PKD1: variants seen among roughly 807,000 people sequenced by gnomAD.
PKD1 encodes the protein polycystin-1.
In PKD1, 81 loss-of-function variants were observed where a neutral mutation model predicts 361.7. That is an observed-to-expected ratio of 0.22 (90% CI 0.19 to 0.27). The LOEUF is 0.27. PKD1 is among the 10% of genes least tolerant of loss of function. The pLI is 1.00. For missense variants in PKD1, 6,399 were observed against 6,118.3 expected (o/e 1.05, Z -1.53); for synonymous variants, 3,615 against 2,818.3 (o/e 1.28, Z -8.95).
rs963823319 is a variant in PKD1, at chr16:2,097,129, C to T, written c.10499+19G>A. ...CCCTCCTCTGGCAATCCCCCCTCCC[C>T]CGAGAGCCGGACACTCACAGGCTGC... On this transcript the variant is annotated intron_variant, in intron 34 of 45. Coordinates refer to ENST00000262304, the MANE Select transcript of PKD1 (RefSeq NM_001009944.3). 2.6e-6 allele frequency: 4 copies of T among 1,541,874 alleles called. No homozygotes were observed. In the African/African-American group the frequency reaches 5.5e-5, roughly 21 times the overall value.
chr16:2,093,946 G>A lies in PKD1; in HGVS notation c.10686C>T (p.Ser3562=). 2 of 1,586,360 alleles carry A rather than the reference G, an allele frequency of 1.3e-6. No individual in the cohort carries two copies. The highest frequency in any genetic ancestry group is 8.5e-7 in the Non-Finnish European group (1 of 1,170,174). ...CCACAGCCACAGCCACCAGGAGCAGGCTGAGCCCGTGGGCCAGGGAGGCAC... is the reference window on the plus strand; with the variant it reads ...CCACAGCCACAGCCACCAGGAGCAGACTGAGCCCGTGGGCCAGGGAGGCAC... ...AWCASLAHGL[S]LLLVAVAVAV... The change falls in exon 36 of 46, where the codon AGC becomes AGT. Residue 3562 remains serine, a synonymous_variant. Coordinates refer to ENST00000262304, the MANE Select transcript of PKD1 (RefSeq NM_001009944.3).
intron 1 of PKD1, among the ~76,000 whole-genome samples, chr16:2,122,037 C>T (rs1165165227): frequency 6.6e-6 from 1 of 152,256 alleles, no homozygotes; most frequent in African/African-American, 2.4e-5. Context: ...GAGAGACGCA[C>T]ACACAGGCTG....
At chr16:2,092,663 G>A in intron 38 of PKD1, 71 bp from the exon 39 acceptor site, 2 of 1,116,364 alleles carry the variant, frequency 1.8e-6, no homozygotes, top group South Asian at 2.6e-5. Flanking sequence ...GGCCACCAGA[G>A]ACCCAGGGAA....
At position 2,108,012 on chromosome 16, in the gene PKD1, C is replaced by T. The variant is rs771763338; in HGVS notation, c.6936G>A (p.Ala2312=). 113 of 1,548,816 alleles carry T rather than the reference C, an allele frequency of 7.3e-5. No individual in the cohort carries two copies. Among genetic ancestry groups the T allele is most frequent in the Non-Finnish European group, 8.4e-5 (96 of 1,147,846 alleles). The change falls in exon 16 of 46, where the codon GCG becomes GCA. Residue 2312 remains alanine (A), a synonymous_variant. Coordinates refer to ENST00000262304, the MANE Select transcript of PKD1 (RefSeq NM_001009944.3). ...TGCTCCCGCGGGGCCCAAAGTTCAG[C>T]GCACACCCGCCAGCCTCCCTCTGCA... ...ASTQREAGGC[A]LNFGPRGSST...
At position 2,094,016 on chromosome 16, in the gene PKD1, G is replaced by C; in HGVS notation, c.10619-3C>G. The C allele has an allele frequency of 1.9e-6, 3 of 1,590,552 alleles. No homozygotes were observed. The highest frequency in any genetic ancestry group is 2.6e-6 in the Non-Finnish European group (3 of 1,169,798). ...CTTCCGCAGACCCTCCACCAGTCCTGGGGAAGCAGAGACAGACCTGTGAGA... is the reference window on the plus strand; with the variant it reads ...CTTCCGCAGACCCTCCACCAGTCCTCGGGAAGCAGAGACAGACCTGTGAGA... On this transcript the variant is annotated splice_region_variant and splice_polypyrimidine_tract_variant and intron_variant, in intron 35 of 45. Transcript: ENST00000262304.
intron 9 of PKD1, 120 bp downstream of exon 9, chr16:2,115,872 T>A (rs191691784): frequency 8.3e-7 from 1 of 1,197,938 alleles, no homozygotes; most frequent in African/African-American, 1.5e-5. Context: ...ACCCCTGCTC[T>A]GTCCACCTAA....
intron 1 of PKD1, among the ~76,000 whole-genome samples, chr16:2,121,876 G>A (rs371318350): frequency 9.2e-5 from 14 of 152,302 alleles, no homozygotes; most frequent in Middle Eastern, 3.4e-3. Flanking sequence ...AGGTGCCTCC[G>A]CCTAGACTTG....
chr16:2,135,785 CGGGGCTGGAT>C lies in PKD1; in HGVS notation c.-106_-97del, dbSNP rs1275774106. On this transcript the variant is annotated 5_prime_UTR_variant, in exon 1 of 46. Transcript: ENST00000262304. Reference sequence around the variant, plus strand: ...GGGCCCGCGGACGGCATGGCGGGCGCGGGGCTGGATGGGGCTGCGGCCGCGACCTGCTGCT... The same window carrying C: ...GGGCCCGCGGACGGCATGGCGGGCGCGGGGCTGCGGCCGCGACCTGCTGCT... The C allele has an allele frequency of 1.2e-6, 1 of 840,044 alleles. No homozygotes were observed. The highest frequency in any genetic ancestry group is 1.4e-6 in the Non-Finnish European group (1 of 700,570). 52.0% of individuals were successfully genotyped at this position (840,044 alleles called of 1,614,324 possible).
At position 2,105,986 on chromosome 16, in the gene PKD1, G is replaced by A. The variant is rs150516444; in HGVS notation, c.7742C>T (p.Ala2581Val). The change falls in exon 20 of 46, where the codon GCA (alanine) becomes GTA (valine). Residue 2581 changes from alanine (A) to valine (V), a missense_variant. By Grantham distance (64) the Ala-to-Val change is moderately conservative. Coordinates refer to ENST00000262304, the MANE Select transcript of PKD1 (RefSeq NM_001009944.3). The stretch of plus-strand genomic sequence containing the variant: ...GTGCAGCCAGACTGTGAGCCCCGTT[G>A]CGCTGCCGTTGGGCTCTGGGAGGGT... ...AITLPEPNGS[A>V]TGLTVWLHGL... is the part of the protein sequence containing the mutation. 6.7e-5 allele frequency: 107 copies of A among 1,603,336 alleles called. 1 individual carries two copies. The African/African-American group carries it at 1.2e-3, about 19-fold the overall frequency.
At position 2,088,817 on chromosome 16, in the gene PKD1, C is replaced by T. The variant is rs987163812; in HGVS notation, c.*910G>A. 5.8e-6 allele frequency: 4 copies of T among 685,062 alleles called. No individual in the cohort carries two copies. Among genetic ancestry groups the T allele is most frequent in the African/African-American group, 5.4e-5 (3 of 55,150 alleles). The allele number at this position is 685,062 out of a possible 1,614,324, so 42.4% of individuals were successfully genotyped here. On this transcript the variant is annotated 3_prime_UTR_variant, in exon 46 of 46. Transcript: ENST00000262304. Reference sequence around the variant, plus strand: ...CACAGAAGTGGTACACAGAAGCAGGCACAGCCAGCTCCGAGGGCCTTGAGG... The same window carrying T: ...CACAGAAGTGGTACACAGAAGCAGGTACAGCCAGCTCCGAGGGCCTTGAGG...
At position 2,108,324 on chromosome 16, in the gene PKD1, G is replaced by C. The variant is rs200418682; in HGVS notation, c.6843C>G (p.Ser2281=). 1.2e-6 allele frequency: 2 copies of C among 1,604,866 alleles called. No homozygotes were observed. Among genetic ancestry groups the C allele is most frequent in the Admixed American group, 1.7e-5 (1 of 59,908 alleles). Residue 2281 remains serine, a synonymous_variant, in exon 15 of 46, where the codon TCC becomes TCG. Transcript: ENST00000262304. ...CGCCGTCCTCCAGGTTGGGGTCGTA[G>C]GACTCGCTCCCATCCAGCACCAGGT... ...TRDLVLDGSE[S]YDPNLEDGDQ...
chr16:2,089,500 T>C lies in PKD1; in HGVS notation c.*227A>G, dbSNP rs1320918487. 1.7e-6 allele frequency: 1 copy of C among 598,362 alleles called. No individual in the cohort carries two copies. Among genetic ancestry groups the C allele is most frequent in the Non-Finnish European group, 3.0e-6 (1 of 335,502 alleles). The allele number at this position is 598,362 out of a possible 1,614,324, so 37.1% of individuals were successfully genotyped here. On this transcript the variant is annotated 3_prime_UTR_variant, in exon 46 of 46. Transcript: ENST00000262304. Reference sequence around the variant, plus strand: ...ATCTCAGAGGCTAGAAACCGTCCAATACTGCTGTGTCCTTCCCAAGGGAGC... The same window carrying C: ...ATCTCAGAGGCTAGAAACCGTCCAACACTGCTGTGTCCTTCCCAAGGGAGC...
At position 2,108,313 on chromosome 16, in the gene PKD1, T is replaced by A; in HGVS notation, c.6854A>T (p.Asn2285Ile). Residue 2285 changes from asparagine to isoleucine, a missense_variant, in exon 15 of 46, where the codon AAC (asparagine) becomes ATC (isoleucine). Asn to Ile is a moderately radical substitution (Grantham distance 149). Transcript: ENST00000262304. ...VLDGSESYDP[N>I]LEDGDQTPLS... is the part of the protein sequence containing the mutation. ...CGGCGTCTGGTCGCCGTCCTCCAGGTTGGGGTCGTAGGACTCGCTCCCATC... is the reference window on the plus strand; with the variant it reads ...CGGCGTCTGGTCGCCGTCCTCCAGGATGGGGTCGTAGGACTCGCTCCCATC... 17 of 1,602,684 alleles carry A rather than the reference T, an allele frequency of 1.1e-5. No individual in the cohort carries two copies. Among genetic ancestry groups the A allele is most frequent in the Non-Finnish European group, 1.4e-5 (16 of 1,173,392 alleles).
chr16:2,109,937 C>T lies in PKD1; in HGVS notation c.5230G>A (p.Gly1744Ser). The change falls in exon 15 of 46, where the codon GGT becomes AGT. Residue 1744 changes from glycine (G) to serine (S), a missense_variant. Transcript: ENST00000262304. Reference sequence around the variant, plus strand: ...CAAGTGTATACGACACCACTGCCACCAGCCAGCTCGGCACTGAGGGTGACG... The same window carrying T: ...CAAGTGTATACGACACCACTGCCACTAGCCAGCTCGGCACTGAGGGTGACG... Reference protein sequence around the residue: ...TSVTLSAELAGGSGVVYTWSL... With the variant: ...TSVTLSAELASGSGVVYTWSL... The T allele has an allele frequency of 6.2e-7, 1 of 1,610,374 alleles. No individual in the cohort carries two copies. The highest frequency in any genetic ancestry group is 2.2e-5 in the East Asian group (1 of 44,856).
rs759042279 is a variant in PKD1 at position 2,111,747 on chromosome 16, G to A, written c.3420C>T (p.Ala1140=). The change falls in exon 15 of 46, where the codon GCC becomes GCT. Residue 1140 remains alanine (A), a synonymous_variant. Transcript: ENST00000262304. ...GCGGGTAGAAGGTGACGGGCCGGCC[G>A]GCCACCAGGACGCCGTCACTCACAC... ...AVGVSDGVLV[A]GRPVTFYPHP... is the part of the protein sequence containing the mutation. 16 of 1,601,790 alleles carry A rather than the reference G, an allele frequency of 1.0e-5. No individual in the cohort carries two copies. Among genetic ancestry groups the A allele is most frequent in the African/African-American group, 4.0e-5 (3 of 74,746 alleles).
rs886038368 is a variant in PKD1, at chr16:2,117,484, G to A, written c.1385+5C>T. ...TATGGCCCCTCGGGGGGTGGGGGCAGGCACCTGGTGACCCGGGAGACCAGG... is the reference window on the plus strand; with the variant it reads ...TATGGCCCCTCGGGGGGTGGGGGCAAGCACCTGGTGACCCGGGAGACCAGG... On this transcript the variant is annotated splice_donor_5th_base_variant and intron_variant, in intron 6 of 45. Transcript: ENST00000262304. 4 of 1,498,324 alleles carry A rather than the reference G, an allele frequency of 2.7e-6. No individual in the cohort carries two copies. Among genetic ancestry groups the A allele is most frequent in the African/African-American group, 2.8e-5 (2 of 72,500 alleles). 92.8% of individuals were successfully genotyped at this position (1,498,324 alleles called of 1,614,324 possible).
At chr16:2,108,097 G>A in intron 15 of PKD1, 65 bp from the exon 16 acceptor site, 3 of 1,569,412 alleles carry the variant, frequency 1.9e-6, no homozygotes, top group Non-Finnish European at 2.6e-6. Flanking sequence ...GCAGAGCCCG[G>A]CCCAGGAGAC....
In PKD1 at chr16:2,091,918, G is replaced by T; in HGVS notation, c.11412-12C>A. On this transcript the variant is annotated splice_polypyrimidine_tract_variant and intron_variant, in intron 40 of 45. Transcript: ENST00000262304. Reference sequence around the variant, plus strand: ...CCCAGGACCATGCCCTGCCGGAGAGGGGTGGCGTGGGTGCCGCACCCCAGC... The same window carrying T: ...CCCAGGACCATGCCCTGCCGGAGAGTGGTGGCGTGGGTGCCGCACCCCAGC... The T allele has an allele frequency of 6.2e-7, 1 of 1,611,540 alleles. No homozygotes were observed. The highest frequency in any genetic ancestry group is 8.5e-7 in the Non-Finnish European group (1 of 1,179,620).
chr16:2,111,128 G>A lies in PKD1; in HGVS notation c.4039C>T (p.His1347Tyr), dbSNP rs774648280. 1.2e-6 allele frequency: 2 copies of A among 1,610,954 alleles called. No individual in the cohort carries two copies. The highest frequency in any genetic ancestry group is 3.3e-5 in the Admixed American group (2 of 60,008). Residue 1347 changes from histidine to tyrosine, a missense_variant, in exon 15 of 46, where the codon CAC (histidine) becomes TAC (tyrosine). His to Tyr is a moderately conservative substitution (Grantham distance 83). Coordinates refer to ENST00000262304, the MANE Select transcript of PKD1 (RefSeq NM_001009944.3). ...TTVRGCPTVT[H>Y]NFTRSGTFPL... ...AACGTGCCGCTCCGCGTGAAGTTGT[G>A]TGTCACCGTCGGGCACCCCCGCACG...
Sources: gnomAD v4.1 joint callset for allele counts (sites outside exome capture counted in the v4.1 genomes callset) on GRCh38, gnomAD v4.1.1 for gene constraint, MANE v1.5 for transcripts, NCBI Gene and HGNC (gene_info 2026-07-23, HGNC 2026-07-21) for gene names.